CLVS1: variants seen among roughly 807,000 people sequenced by gnomAD.
CLVS1 encodes clavesin 1, also known as clavesin-1.
A neutral mutation model predicts 33.1 loss-of-function variants in CLVS1; 10 were observed. The ratio of observed to expected loss-of-function variants is 0.30; its 90% confidence interval spans 0.19 to 0.51. The LOEUF (loss-of-function observed/expected upper bound fraction) is 0.51. Among genes scored for constraint, CLVS1 ranks in the 20% least tolerant of loss-of-function variants. CLVS1 has a pLI of 0.97. For synonymous variants in CLVS1, 163 were observed against 166.1 expected (o/e 0.98, Z 0.14); for missense variants, 343 against 433.4 (o/e 0.79, Z 1.85).
intron 1 of CLVS1, among the ~76,000 whole-genome samples, chr8:61,084,033 G>A (rs1805073931): frequency 6.6e-6 from 1 of 152,180 alleles, no homozygotes; most frequent in Non-Finnish European, 1.5e-5. Context: ...TTTTTAAAAT[G>A]TATTCCCCTT....
intron 5 of CLVS1, among the ~76,000 whole-genome samples, chr8:61,495,327 C>T (rs1411190815): frequency 6.6e-6 from 1 of 152,112 alleles, no homozygotes; most frequent in Non-Finnish European, 1.5e-5. Context: ...AGCAGTGTTT[C>T]CACAAAAGCA....
At chr8:61,362,420 G>A (rs1813025604) in intron 2 of CLVS1, among the ~76,000 whole-genome samples, 1 of 152,104 alleles carries the variant, frequency 6.6e-6, no homozygotes, top group Non-Finnish European at 1.5e-5. Flanking sequence ...CTAGGAGTCG[G>A]GAACCTTGTA....
chr8:61,417,458 A>G (rs1256243620), intron 3 of CLVS1, among the ~76,000 whole-genome samples: 1 of 152,086 alleles, frequency 6.6e-6, no homozygotes, highest in Non-Finnish European at 1.5e-5. Flanking sequence ...TTCTGGCAAG[A>G]CTGCTTGAAG....
intron 2 of CLVS1, among the ~76,000 whole-genome samples, chr8:61,327,716 C>A (rs1474496472): frequency 6.6e-6 from 1 of 152,170 alleles, no homozygotes; most frequent in African/African-American, 2.4e-5. Flanking sequence ...ACTGACTCTA[C>A]ACCTAAGTGT....
the CLVS1 span, among the ~76,000 whole-genome samples, chr8:60,994,032 C>A: frequency 6.6e-6 from 1 of 152,168 alleles, no homozygotes; most frequent in Non-Finnish European, 1.5e-5. Context: ...CGAGGGCTAC[C>A]ATTATGACGT....
chr8:61,331,765 T>A (rs1026417985), intron 2 of CLVS1, among the ~76,000 whole-genome samples: 28 of 152,224 alleles, frequency 1.8e-4, no homozygotes, highest in South Asian at 1.2e-3. Flanking sequence ...TAATTCCTTT[T>A]TCTACATTTT....
intron 2 of CLVS1, among the ~76,000 whole-genome samples, chr8:61,263,235 G>T (rs2129592316): frequency 6.6e-6 from 1 of 152,210 alleles, no homozygotes; most frequent in Non-Finnish European, 1.5e-5. Flanking sequence ...GCAGAGGATG[G>T]GGTCTGGGTT....
At chr8:61,220,381 A>G (rs1048786167) in intron 2 of CLVS1, among the ~76,000 whole-genome samples, 1 of 152,166 alleles carries the variant, frequency 6.6e-6, no homozygotes, top group Non-Finnish European at 1.5e-5. Flanking sequence ...TCATATAGCT[A>G]GCCAATTTTC....
rs1359646956 is a variant in CLVS1 at position 61,367,229 on chromosome 8, T to A, written c.456-9376T>A. Among the ~76,000 whole-genome samples the A allele has an allele frequency of 2.0e-5, 3 of 152,162 alleles. No homozygotes were observed. In the East Asian group the frequency reaches 5.8e-4, roughly 29 times the overall value. ...TCTCCCTGAGGCACAGAAGCCATCA[T>A]TTCCTTCATCAGCATAACAGTCAGC... On this transcript the variant is annotated intron_variant, in intron 2 of 5. Transcript: ENST00000325897.
intron 2 of CLVS1, among the ~76,000 whole-genome samples, chr8:61,145,997 C>T (rs1806407448): frequency 1.3e-5 from 2 of 152,198 alleles, no homozygotes; most frequent in Non-Finnish European, 1.5e-5. Context: ...CCTTCTATCC[C>T]AGCATGTTTC....
chr8:60,971,859 C>T, the CLVS1 span, among the ~76,000 whole-genome samples: 4 of 152,150 alleles, frequency 2.6e-5, no homozygotes, highest in Non-Finnish European at 5.9e-5. Flanking sequence ...CACCTTCCCC[C>T]GTTTCTCTTT....
At chr8:61,333,809 G>A (rs1168780391) in intron 2 of CLVS1, among the ~76,000 whole-genome samples, 1 of 152,078 alleles carries the variant, frequency 6.6e-6, no homozygotes, top group Non-Finnish European at 1.5e-5. Flanking sequence ...CAGGTATTAA[G>A]CCTAGTATCC....
the CLVS1 span, among the ~76,000 whole-genome samples, chr8:61,001,366 G>A: frequency 2.0e-5 from 3 of 152,282 alleles, no homozygotes; most frequent in South Asian, 2.1e-4. Context: ...TGATGACTAA[G>A]ATATTTTCTA....
chr8:61,183,627 A>G (rs2931307), intron 2 of CLVS1, among the ~76,000 whole-genome samples: 1 of 152,136 alleles, frequency 6.6e-6, no homozygotes, highest in Non-Finnish European at 1.5e-5. Context: ...CCCACAGAGA[A>G]GCCACACTAA....
chr8:61,009,952 G>A, the CLVS1 span, among the ~76,000 whole-genome samples: 2 of 152,170 alleles, frequency 1.3e-5, no homozygotes, highest in Non-Finnish European at 2.9e-5. Flanking sequence ...TTGTGCCAAA[G>A]GTGCATTTGC....
At chr8:61,352,049 G>A (rs1186409740) in intron 2 of CLVS1, among the ~76,000 whole-genome samples, 1 of 151,948 alleles carries the variant, frequency 6.6e-6, no homozygotes, top group Non-Finnish European at 1.5e-5. Context: ...TTTATCTCAT[G>A]AGTTTTATAA....
intron 2 of CLVS1, among the ~76,000 whole-genome samples, chr8:61,179,125 A>C (rs1398613234): frequency 6.6e-6 from 1 of 152,338 alleles, no homozygotes; most frequent in East Asian, 1.9e-4. Context: ...AGACACACAT[A>C]GGCTCAAAAT....
chr8:61,448,072 ATCT>A (rs993062005), intron 3 of CLVS1, among the ~76,000 whole-genome samples: 1 of 151,844 alleles, frequency 6.6e-6, no homozygotes, highest in Non-Finnish European at 1.5e-5. Flanking sequence ...AATATTTTAC[ATCT>A]TCTTCTGGCT....
intron 3 of CLVS1, among the ~76,000 whole-genome samples, chr8:61,382,242 G>A (rs1813909138): frequency 6.6e-6 from 1 of 152,180 alleles, no homozygotes; most frequent in African/African-American, 2.4e-5. Context: ...TTGGGCAGAT[G>A]CATTTCAAGT....
Sources: allele counts gnomAD v4.1 joint callset (sites outside exome capture counted in the v4.1 genomes callset), GRCh38; gene constraint gnomAD v4.1.1; transcripts MANE v1.5; gene names NCBI Gene and HGNC (gene_info 2026-07-23, HGNC 2026-07-21).